Variants in NALF1 observed in about 807,000 individuals in gnomAD.
NALF1 encodes NALCN channel auxiliary factor 1.
A neutral mutation model predicts 48.4 loss-of-function variants in NALF1; 3 were observed. The observed-to-expected ratio is 0.06, with a 90% CI of 0.03 to 0.16. The LOEUF (loss-of-function observed/expected upper bound fraction) is 0.16. Ranked by LOEUF, NALF1 falls within the 10% of genes least tolerant of loss-of-function variation. The pLI is 1.00. For synonymous variants in NALF1, 262 were observed against 245.7 expected (o/e 1.07, Z -0.62); for missense variants, 526 against 571.5 (o/e 0.92, Z 0.81).
chr13:107,470,766 C>T (rs1256982618), intron 1 of NALF1, among the ~76,000 whole-genome samples: 1 of 151,996 alleles, frequency 6.6e-6, no homozygotes, highest in African/African-American at 2.4e-5. Context: ...GTTTTGGAGT[C>T]AGATAATGAT....
chr13:107,271,172 ACATTACATGAAAAAAGGAAT>A (rs1189032432), intron 1 of NALF1, among the ~76,000 whole-genome samples: 1 of 152,144 alleles, frequency 6.6e-6, no homozygotes, highest in Non-Finnish European at 1.5e-5. Context: ...AGATTATGTA[ACATTACATGAAAAAAGGAAT>A]CGTGCAGCTG....
At chr13:107,482,006 C>T (rs1321151241) in intron 1 of NALF1, among the ~76,000 whole-genome samples, 1 of 151,950 alleles carries the variant, frequency 6.6e-6, no homozygotes, top group Non-Finnish European at 1.5e-5. Flanking sequence ...GTCAACTTGG[C>T]TAAGCCATGG....
chr13:107,589,924 C>T (rs1878559316), intron 1 of NALF1, among the ~76,000 whole-genome samples: 1 of 151,936 alleles, frequency 6.6e-6, no homozygotes, highest in Non-Finnish European at 1.5e-5. Context: ...AAAGATGGTA[C>T]TGGTAGCTAC....
chr13:107,335,295 G>A (rs567037468), intron 1 of NALF1, among the ~76,000 whole-genome samples: 108 of 152,228 alleles, frequency 7.1e-4, no homozygotes, highest in African/African-American at 2.6e-3. Context: ...TCAGGCCTTT[G>A]TATTAAGTGA....
At chr13:107,530,379 T>C (rs1220726679) in intron 1 of NALF1, among the ~76,000 whole-genome samples, 1 of 152,186 alleles carries the variant, frequency 6.6e-6, no homozygotes, top group African/African-American at 2.4e-5. Flanking sequence ...CTTGATCATC[T>C]ACTATATCCC....
chr13:107,303,207 G>GT (rs1881871534), intron 1 of NALF1, among the ~76,000 whole-genome samples: 1 of 151,980 alleles, frequency 6.6e-6, no homozygotes. Flanking sequence ...AAATGTCTAC[G>GT]TAAGTTCTTT....
chr13:107,552,444 AT>A (rs1877322113), intron 1 of NALF1, among the ~76,000 whole-genome samples: 2 of 152,198 alleles, frequency 1.3e-5, no homozygotes, highest in South Asian at 4.1e-4. Flanking sequence ...CGCACAGCTA[AT>A]TTAATAGAAT....
At chr13:107,566,548 C>T (rs1403612506) in intron 1 of NALF1, among the ~76,000 whole-genome samples, 1 of 152,154 alleles carries the variant, frequency 6.6e-6, no homozygotes, top group Non-Finnish European at 1.5e-5. Context: ...TCCAAGGGCA[C>T]TAGGCAGGCC....
At chr13:107,790,074 A>G (rs1214997075) in intron 1 of NALF1, among the ~76,000 whole-genome samples, 1 of 152,112 alleles carries the variant, frequency 6.6e-6, no homozygotes, top group African/African-American at 2.4e-5. Flanking sequence ...AACCATCAAG[A>G]CTCATAGACC....
At chr13:107,457,386 T>C (rs1284674785) in intron 1 of NALF1, among the ~76,000 whole-genome samples, 2 of 152,092 alleles carry the variant, frequency 1.3e-5, no homozygotes, top group African/African-American at 2.4e-5. Flanking sequence ...GCCTCATAGG[T>C]AATATTGGCC....
At chr13:107,761,373 A>G (rs4097300) in intron 1 of NALF1, among the ~76,000 whole-genome samples, 60 of 133,736 alleles carry the variant, frequency 4.5e-4, no homozygotes, top group African/African-American at 8.6e-4. Flanking sequence ...ACAAAAAAAA[A>G]GAAAAAAAAA....
chr13:107,336,535 C>T (rs1310337241), intron 1 of NALF1, among the ~76,000 whole-genome samples: 2 of 152,008 alleles, frequency 1.3e-5, no homozygotes, highest in Non-Finnish European at 2.9e-5. Flanking sequence ...TGAATATGCT[C>T]CCATTCTACA....
At chr13:107,218,509 C>G (rs1239759419) in intron 1 of NALF1, among the ~76,000 whole-genome samples, 2 of 152,142 alleles carry the variant, frequency 1.3e-5, no homozygotes, top group Non-Finnish European at 2.9e-5. Context: ...CTGCCCAGAG[C>G]AGAGACTCAA....
At chr13:107,383,892 G>C (rs1883482054) in intron 1 of NALF1, among the ~76,000 whole-genome samples, 1 of 152,144 alleles carries the variant, frequency 6.6e-6, no homozygotes, top group South Asian at 2.1e-4. Context: ...CATTTCTAAT[G>C]CACATTCTTA....
chr13:107,221,103 T>TA (rs1346710893), intron 1 of NALF1, among the ~76,000 whole-genome samples: 1 of 151,946 alleles, frequency 6.6e-6, no homozygotes, highest in Non-Finnish European at 1.5e-5. Flanking sequence ...CACAGGGTGA[T>TA]ACAACAGACA....
At chr13:107,506,547 T>C (rs1393476025) in intron 1 of NALF1, among the ~76,000 whole-genome samples, 1 of 151,694 alleles carries the variant, frequency 6.6e-6, no homozygotes, top group African/African-American at 2.4e-5. Context: ...ATGTACTTAT[T>C]AGCAGTCACC....
In NALF1 at chr13:107,403,481, T is replaced by C. The variant is rs1883848050; in HGVS notation, c.916-192726A>G. 3.3e-5 allele frequency among the ~76,000 whole-genome samples: 5 copies of C among 151,964 alleles called. No homozygotes were observed. In the South Asian group the frequency reaches 1.0e-3, roughly 32 times the overall value. ...TTGAAGTGATTAGATTTTCAGACTA[T>C]TCCATTACTCTGTTTATTTGGTCCT... On this transcript the variant is annotated intron_variant, in intron 1 of 2. Transcript: ENST00000375915.
chr13:107,178,671 C>T (rs1228271868), intron 2 of NALF1, among the ~76,000 whole-genome samples: 1 of 152,148 alleles, frequency 6.6e-6, no homozygotes, highest in Non-Finnish European at 1.5e-5. Context: ...AGGCCAGGCA[C>T]GGTGGCTCAC....
chr13:107,308,982 A>T (rs993683711), intron 1 of NALF1, among the ~76,000 whole-genome samples: 2 of 152,214 alleles, frequency 1.3e-5, no homozygotes, highest in African/African-American at 4.8e-5. Flanking sequence ...TTTCTAATTC[A>T]ATGGAAGGCA....
Sources: gnomAD v4.1 joint callset for allele counts (sites outside exome capture counted in the v4.1 genomes callset) on GRCh38, gnomAD v4.1.1 for gene constraint, MANE v1.5 for transcripts, NCBI Gene and HGNC (gene_info 2026-07-23, HGNC 2026-07-21) for gene names.